CELSR2: variants seen among roughly 807,000 people sequenced by gnomAD.
CELSR2 encodes the protein EGF-like protein 2.
A neutral mutation model predicts 251.6 loss-of-function variants in CELSR2; 81 were observed. The ratio of observed to expected loss-of-function variants is 0.32; its 90% CI spans 0.27 to 0.39. CELSR2 has a LOEUF of 0.39. Among genes scored for constraint, CELSR2 ranks in the 10% least tolerant of loss-of-function variants. The pLI is 1.00. For synonymous variants in CELSR2, 1,721 were observed against 1,670.5 expected, an observed-to-expected ratio of 1.03 and a Z score of -0.74; for missense variants, 3,365 against 3,947.7, an observed-to-expected ratio of 0.85 and a Z score of 3.96.
chr1:109,272,982 C>A lies in CELSR2; in HGVS notation c.8293C>A (p.Leu2765Met). Residue 2765 changes from leucine to methionine, a missense_variant, in exon 31 of 34, where the codon CTG becomes ATG. Coordinates refer to ENST00000271332, the MANE Select transcript of CELSR2 (RefSeq NM_001408.3). The stretch of plus-strand genomic sequence containing the variant: ...TGGAGAGCAGGGCTGGGATAGCCTG[C>A]TGGGGCCTGGAGCAGAGAGACTGCC... Reference protein sequence around the residue: ...FPGEQGWDSLLGPGAERLPLH... With the variant: ...FPGEQGWDSLMGPGAERLPLH... The A allele has an allele frequency of 6.2e-7, 1 of 1,613,892 alleles. No individual in the cohort carries two copies. Among genetic ancestry groups the A allele is most frequent in the Admixed American group, 1.7e-5 (1 of 60,014 alleles).
intron 1 of CELSR2, among the ~76,000 whole-genome samples, chr1:109,257,266 T>C (rs1230408948): frequency 1.3e-5 from 2 of 151,070 alleles, no homozygotes; most frequent in South Asian, 2.1e-4. Flanking sequence ...GGTGGGAGGA[T>C]CGCTTGAGCC....
chr1:109,265,438 C>T, intron 13 of CELSR2, 127 bp downstream of exon 13: 1 of 1,112,648 alleles, frequency 9.0e-7, no homozygotes, highest in African/African-American at 1.6e-5. Context: ...TTTGCTCTCA[C>T]AGGCAGGGCA....
At chr1:109,263,544 G>A (rs1656088865) in intron 8 of CELSR2, 67 bp from the exon 9 acceptor site, 3 of 1,579,456 alleles carry the variant, frequency 1.9e-6, no homozygotes, top group East Asian at 4.5e-5. Context: ...CGCCACCGCT[G>A]AGCATCACAG....
chr1:109,260,401 G>A (rs1161404799), intron 2 of CELSR2, among the ~76,000 whole-genome samples: 1 of 152,158 alleles, frequency 6.6e-6, no homozygotes, highest in African/African-American at 2.4e-5. Context: ...GTGCACAGAG[G>A]TCCTTAGTCT....
rs767288146 is a variant in CELSR2 at position 109,267,921 on chromosome 1, G to A, written c.6179G>A (p.Arg2060His). 6.2e-6 allele frequency: 10 copies of A among 1,611,336 alleles called. No homozygotes were observed. Among genetic ancestry groups the A allele is most frequent in the South Asian group, 2.2e-5 (2 of 91,070 alleles). The change falls in exon 17 of 34, where the codon CGC (arginine) becomes CAC (histidine). Residue 2060 changes from arginine (R) to histidine (H), a missense_variant. Transcript: ENST00000271332. Reference protein sequence around the residue: ...GRSQQLALLLRNATQHTAGYF... With the variant: ...GRSQQLALLLHNATQHTAGYF... The stretch of plus-strand genomic sequence containing the variant: ...TCCCAGCAGCTAGCCCTGCTCCTGC[G>A]CAACGCCACGCAGCACACAGCTGGC...
rs951775888 is a variant in CELSR2, at chr1:109,272,510, C to T, written c.8054+105C>T. The T allele has an allele frequency of 3.4e-5, 51 of 1,509,488 alleles. No homozygotes were observed. In the Admixed American group the frequency reaches 3.5e-4, roughly 10 times the overall value. 93.5% of individuals were successfully genotyped at this position (1,509,488 alleles called of 1,614,324 possible). ...GTTGAGGAGCACACACTGTGGCTGACGTGGGGGCCAGCTTGGATTAGAAGC... is the reference window on the plus strand; with the variant it reads ...GTTGAGGAGCACACACTGTGGCTGATGTGGGGGCCAGCTTGGATTAGAAGC... On this transcript the variant is annotated intron_variant, in intron 29 of 33. Coordinates refer to ENST00000271332, the MANE Select transcript of CELSR2 (RefSeq NM_001408.3).
chr1:109,251,087 C>T lies in CELSR2; in HGVS notation c.1008C>T (p.Pro336=). Residue 336 remains proline (P), a synonymous_variant, in exon 1 of 34, where the codon CCC becomes CCT. Coordinates refer to ENST00000271332, the MANE Select transcript of CELSR2 (RefSeq NM_001408.3). The surrounding 1 kb of genome is among the most constrained non-coding windows in gnomAD (Gnocchi z 4.9). ...YRLLEGSGGS[P]SEVFEIDPRS... ...TGCTGGAGGGGTCTGGGGGCAGCCC[C>T]TCTGAAGTCTTTGAGATCGACCCTC... 2 of 1,613,472 alleles carry T rather than the reference C, an allele frequency of 1.2e-6. No homozygotes were observed. The highest frequency in any genetic ancestry group is 1.1e-5 in the South Asian group (1 of 91,056).
chr1:109,273,856 T>C, intron 33 of CELSR2, 166 bp from the exon 34 acceptor site: 1 of 1,106,342 alleles, frequency 9.0e-7, no homozygotes, highest in Non-Finnish European at 1.4e-6. Flanking sequence ...GGGCCACCCC[T>C]CCTAGGCTCT....
At position 109,264,439 on chromosome 1, in the gene CELSR2, T is replaced by C; in HGVS notation, c.5290-15T>C. 1 of 1,604,426 alleles carries C rather than the reference T, an allele frequency of 6.2e-7. No homozygotes were observed. Among genetic ancestry groups the C allele is most frequent in the Non-Finnish European group, 8.5e-7 (1 of 1,173,384 alleles). ...CCCGCTCCACTGAGGGCAACACTGC[T>C]CCTGTCCCTCCCAGGGTGTGCGGGT... On this transcript the variant is annotated splice_polypyrimidine_tract_variant and intron_variant, in intron 10 of 33. Coordinates refer to ENST00000271332, the MANE Select transcript of CELSR2 (RefSeq NM_001408.3).
chr1:109,261,507 G>A lies in CELSR2; in HGVS notation c.4182-6G>A, dbSNP rs768713996. 1 of 1,613,444 alleles carries A rather than the reference G, an allele frequency of 6.2e-7. No homozygotes were observed. Among genetic ancestry groups the A allele is most frequent in the African/African-American group, 1.3e-5 (1 of 74,918 alleles). On this transcript the variant is annotated splice_region_variant and splice_polypyrimidine_tract_variant and intron_variant, in intron 3 of 33. Coordinates refer to ENST00000271332, the MANE Select transcript of CELSR2 (RefSeq NM_001408.3). This position sits in a 1 kb window ranked among gnomAD's most constrained non-coding sequence, Gnocchi z 4.8. ...TTCCCTGCCCCCATCCCCAACTCCT[G>A]TTCAGGTTTGCCACAAAGGAGCGCG...
Position 109,261,878 on chromosome 1 carries a change from G to T in CELSR2, c.4368G>T (p.Gln1456His), listed in dbSNP as rs769650309. The change falls in exon 5 of 34, where the codon CAG becomes CAT. Residue 1456 changes from glutamine to histidine, a missense_variant. Physicochemically the swap from Gln to His is conservative, Grantham distance 24. This residue lies in a region of CELSR2 where 2,093 missense variants were observed against 2,382.8 expected (regional missense o/e 0.88). Coordinates refer to ENST00000271332, the MANE Select transcript of CELSR2 (RefSeq NM_001408.3). The surrounding 1 kb of genome is among the most constrained non-coding windows in gnomAD (Gnocchi z 4.8). ...GTGATGGCCAGTGGCATACGGTGCA[G>T]CTGAAATACTACAATAAGGTGGGTG... Reference protein sequence around the residue: ...GVSDGQWHTVQLKYYNKPLLG... With the variant: ...GVSDGQWHTVHLKYYNKPLLG... The T allele has an allele frequency of 2.5e-6, 4 of 1,584,658 alleles. No homozygotes were observed. In the African/African-American group the frequency reaches 5.4e-5, roughly 21 times the overall value.
chr1:109,254,175 C>T (rs1655784083), intron 1 of CELSR2, among the ~76,000 whole-genome samples: 1 of 152,244 alleles, frequency 6.6e-6, no homozygotes, highest in Non-Finnish European at 1.5e-5. Context: ...TCTTAGGGTG[C>T]CAGGCCTTCC....
At position 109,249,570 on chromosome 1, in the gene CELSR2, G is replaced by GGAGCGCGGGGCT. The variant is rs1553179214; in HGVS notation, c.-508_-497dup. Among the ~76,000 whole-genome samples, 1 of 150,048 alleles carries GGAGCGCGGGGCT rather than the reference G, an allele frequency of 6.7e-6. No individual in the cohort carries two copies. The highest frequency in any genetic ancestry group is 1.5e-5 in the Non-Finnish European group (1 of 67,462). ...CTCGCCCGCCCGCCGGGGAGGCGAG[G>GGAGCGCGGGGCT]GAGCGCGGGGCTGGGCCCGGGGCCG... On this transcript the variant is annotated 5_prime_UTR_variant, in exon 1 of 34. Coordinates refer to ENST00000271332, the MANE Select transcript of CELSR2 (RefSeq NM_001408.3).
Position 109,250,881 on chromosome 1 carries a change from C to G in CELSR2, c.802C>G (p.Arg268Gly), listed in dbSNP as rs1420711566. 6.2e-7 allele frequency: 1 copy of G among 1,613,878 alleles called. No individual in the cohort carries two copies. Among genetic ancestry groups the G allele is most frequent in the Non-Finnish European group, 8.5e-7 (1 of 1,180,044 alleles). Residue 268 changes from arginine to glycine, a missense_variant, in exon 1 of 34, where the codon CGA (arginine) becomes GGA (glycine). Physicochemically the swap from Arg to Gly is moderately radical, Grantham distance 125. Coordinates refer to ENST00000271332, the MANE Select transcript of CELSR2 (RefSeq NM_001408.3). This position sits in a 1 kb window ranked among gnomAD's most constrained non-coding sequence, Gnocchi z 4.4. ...CACGGCGCAGGACCACGGCATGCCC[C>G]GACGAAGTGCCCTGGCTACACTCAC... Reference protein sequence around the residue: ...RVTAQDHGMPRRSALATLTIL... With the variant: ...RVTAQDHGMPGRSALATLTIL...
At chr1:109,256,238 G>A (rs975575600) in intron 1 of CELSR2, among the ~76,000 whole-genome samples, 3 of 152,206 alleles carry the variant, frequency 2.0e-5, no homozygotes, top group East Asian at 3.9e-4. Context: ...GAGCAGGTGA[G>A]CTAGGGCAGG....
Position 109,251,634 on chromosome 1 carries a change from C to T in CELSR2, c.1555C>T (p.Pro519Ser). Residue 519 changes from proline to serine, a missense_variant, in exon 1 of 34, where the codon CCC becomes TCC. This residue lies in a region of CELSR2 where 704 missense variants were observed against 784.1 expected (regional missense o/e 0.90). Transcript: ENST00000271332. The surrounding 1 kb of genome is among the most constrained non-coding windows in gnomAD (Gnocchi z 4.9). The part of the protein sequence containing the change: ...PFQATVLESV[P>S]LGYLVLHVQA... ...CCAGGCTACTGTCCTGGAGAGTGTC[C>T]CCTTAGGCTACCTGGTTCTCCATGT... The T allele has an allele frequency of 1.2e-6, 2 of 1,613,842 alleles. No individual in the cohort carries two copies. Among genetic ancestry groups the T allele is most frequent in the East Asian group, 2.2e-5 (1 of 44,868 alleles).
intron 12 of CELSR2, 61 bp from the exon 13 acceptor site, chr1:109,265,130 T>A: frequency 6.3e-7 from 1 of 1,580,256 alleles, no homozygotes; most frequent in Non-Finnish European, 8.6e-7. Flanking sequence ...CACATAGGGC[T>A]CACCTAGGTT....
Position 109,269,923 on chromosome 1 carries a change from T to TA in CELSR2, c.7108-9dup. 3.1e-6 allele frequency: 5 copies of TA among 1,614,106 alleles called. No individual in the cohort carries two copies. The highest frequency in any genetic ancestry group is 4.2e-6 in the Non-Finnish European group (5 of 1,179,988). The stretch of plus-strand genomic sequence containing the variant: ...CCTAATTCCCTGGCCCCCTGCCACC[T>TA]ACTCTGCAGAATGGGGAGATCCTGC... On this transcript the variant is annotated splice_polypyrimidine_tract_variant and intron_variant, in intron 22 of 33. Transcript: ENST00000271332. The surrounding 1 kb of genome is among the most constrained non-coding windows in gnomAD (Gnocchi z 6.4).
rs767533798 is a variant in CELSR2 at position 109,271,712 on chromosome 1, C to T, written c.7916C>T (p.Thr2639Ile). ...GACCCTGCTCTGACCACCAAGTCCA[C>T]CCTGACCTCGGTGAGGGAGCCAGGG... ...SPDPALTTKS[T>I]LTSSYNCPSP... is the part of the protein sequence containing the mutation. The change falls in exon 28 of 34, where the codon ACC (threonine) becomes ATC (isoleucine). Residue 2639 changes from threonine (T) to isoleucine (I), a missense_variant. Thr to Ile is a moderately conservative substitution (Grantham distance 89, BLOSUM62 -1). Around this residue, in one of 5 missense-constraint regions of CELSR2, gnomAD observed 2,093 missense variants for 2,382.8 expected, o/e 0.88. Transcript: ENST00000271332. The T allele has an allele frequency of 6.2e-7, 1 of 1,613,866 alleles. No individual in the cohort carries two copies. The highest frequency in any genetic ancestry group is 2.2e-5 in the East Asian group (1 of 44,868).
Sources: allele counts gnomAD v4.1 joint callset (sites outside exome capture counted in the v4.1 genomes callset), GRCh38; gene constraint gnomAD v4.1.1; regional missense constraint gnomAD v4.1.1; non-coding constraint Gnocchi (gnomAD v3.1); transcripts MANE v1.5; gene names NCBI Gene and HGNC (gene_info 2026-07-23, HGNC 2026-07-21).